The following KPNA1 variants were observed in gnomAD, a reference collection of about 807,000 sequenced individuals.
The protein encoded by KPNA1 is karyopherin subunit alpha 1, also known as importin subunit alpha-5.
A neutral mutation model predicts 70.5 loss-of-function variants in KPNA1; 10 were observed. The observed-to-expected ratio is 0.14, with a 90% CI of 0.09 to 0.24. The LOEUF is 0.24. Among genes scored for constraint, KPNA1 ranks in the 10% least tolerant of loss-of-function variants. The pLI, the probability that KPNA1 is intolerant of heterozygous loss-of-function variation, is 1.00. For synonymous variants in KPNA1, 192 were observed against 221.9 expected (o/e 0.87, Z 1.20); for missense variants, 397 against 637.9 (o/e 0.62, Z 4.07).
chr3:122,440,438 T>C (rs1158426720), intron 10 of KPNA1, among the ~76,000 whole-genome samples: 3 of 152,160 alleles, frequency 2.0e-5, no homozygotes, highest in Non-Finnish European at 4.4e-5. Flanking sequence ...AACTCTGAGC[T>C]GAGAGTGGCC....
chr3:122,465,268 A>G (rs924918068), intron 3 of KPNA1, among the ~76,000 whole-genome samples: 8 of 152,242 alleles, frequency 5.3e-5, no homozygotes, highest in African/African-American at 9.6e-5. Context: ...TAATCCCATC[A>G]TAAGTTGAAA....
At chr3:122,429,664 A>C (rs1247647306) in intron 12 of KPNA1, among the ~76,000 whole-genome samples, 1 of 152,188 alleles carries the variant, frequency 6.6e-6, no homozygotes, top group Non-Finnish European at 1.5e-5. Flanking sequence ...TGATACTCCC[A>C]AACAAAATCC....
intron 2 of KPNA1, among the ~76,000 whole-genome samples, chr3:122,488,142 A>C (rs973315181): frequency 1.3e-5 from 2 of 152,234 alleles, no homozygotes; most frequent in Admixed American, 6.5e-5. Context: ...TATAAAAGTA[A>C]TGGATCTAGG....
At position 122,493,863 on chromosome 3, in the gene KPNA1, G is replaced by A. The variant is rs1011741178; in HGVS notation, c.129+2574C>T. ...GCCTCCCAAAGTGCTGGGATTACAG[G>A]CATGAGCCACCCCGCCCAGCCTCAT... On this transcript the variant is annotated intron_variant, in intron 2 of 13. Coordinates refer to ENST00000344337, the MANE Select transcript of KPNA1 (RefSeq NM_002264.4). Among the ~76,000 whole-genome samples the A allele has an allele frequency of 2.0e-5, 3 of 152,262 alleles. No individual in the cohort carries two copies. In the South Asian group the frequency reaches 6.2e-4, roughly 32 times the overall value.
intron 11 of KPNA1, among the ~76,000 whole-genome samples, chr3:122,434,436 C>T (rs1429536866): frequency 2.0e-5 from 3 of 150,686 alleles, no homozygotes; most frequent in Non-Finnish European, 4.5e-5. Flanking sequence ...CTTCCATGTG[C>T]GAAAACTCTC....
At chr3:122,481,858 T>C (rs2076574894) in intron 2 of KPNA1, among the ~76,000 whole-genome samples, 1 of 152,238 alleles carries the variant, frequency 6.6e-6, no homozygotes, top group South Asian at 2.1e-4. Flanking sequence ...AACATTTATA[T>C]ATCTATTCAA....
At chr3:122,434,226 C>T (rs551598681) in intron 11 of KPNA1, among the ~76,000 whole-genome samples, 50 of 152,314 alleles carry the variant, frequency 3.3e-4, no homozygotes, top group African/African-American at 1.1e-3. Flanking sequence ...TGGGAGCCAC[C>T]GCACCCAGCC....
chr3:122,445,822 G>A (rs1479517358), intron 9 of KPNA1, among the ~76,000 whole-genome samples: 1 of 152,064 alleles, frequency 6.6e-6, no homozygotes, highest in Non-Finnish European at 1.5e-5. Flanking sequence ...AGGGATGGAG[G>A]AAGATGTACA....
rs1156685358 is a variant in KPNA1, at chr3:122,493,735, A to G, written c.129+2702T>C. 2.0e-5 allele frequency among the ~76,000 whole-genome samples: 3 copies of G among 152,216 alleles called. No individual in the cohort carries two copies. The East Asian group carries it at 5.8e-4, about 29-fold the overall frequency. Reference sequence around the variant, plus strand: ...TACTGAAAGTGCCCTCCTTTACCCTATCACCACACTGGCTAAATTTTATAT... The same window carrying G: ...TACTGAAAGTGCCCTCCTTTACCCTGTCACCACACTGGCTAAATTTTATAT... On this transcript the variant is annotated intron_variant, in intron 2 of 13. Coordinates refer to ENST00000344337, the MANE Select transcript of KPNA1 (RefSeq NM_002264.4).
chr3:122,449,425 T>G (rs905378765), intron 9 of KPNA1, 149 bp downstream of exon 9: 7 of 630,832 alleles, frequency 1.1e-5, no homozygotes, highest in Non-Finnish European at 1.9e-5. Context: ...CAAACAGATC[T>G]GACATCAAAA....
At chr3:122,474,066 T>A (rs1387555338) in intron 2 of KPNA1, among the ~76,000 whole-genome samples, 1 of 152,042 alleles carries the variant, frequency 6.6e-6, no homozygotes, top group African/African-American at 2.4e-5. Flanking sequence ...CAGCAATGAA[T>A]AAAGGGAATT....
At chr3:122,443,085 A>T (rs1259673289) in intron 9 of KPNA1, 1 of 152,294 alleles carries the variant, frequency 6.6e-6, no homozygotes, top group Non-Finnish European at 1.5e-5. Flanking sequence ...ATGGAAAATC[A>T]GTACACCCCG....
chr3:122,512,986 TA>T (rs1452168753), intron 1 of KPNA1, among the ~76,000 whole-genome samples: 6 of 152,236 alleles, frequency 3.9e-5, no homozygotes, highest in African/African-American at 1.4e-4. Flanking sequence ...TGCTACACTA[TA>T]AATTCCATGA....
chr3:122,462,651 T>C (rs535480660), intron 4 of KPNA1, among the ~76,000 whole-genome samples: 1 of 152,216 alleles, frequency 6.6e-6, no homozygotes, highest in East Asian at 1.9e-4. Flanking sequence ...ATAAGACTTT[T>C]TTAAAAGGGG....
chr3:122,488,112 G>T (rs891183224), intron 2 of KPNA1, among the ~76,000 whole-genome samples: 2 of 152,132 alleles, frequency 1.3e-5, no homozygotes, highest in African/African-American at 4.8e-5. Flanking sequence ...AAAAGCAGAA[G>T]AAATGATCCC....
chr3:122,486,777 G>C (rs536353121), intron 2 of KPNA1, among the ~76,000 whole-genome samples: 1 of 152,020 alleles, frequency 6.6e-6, no homozygotes. Flanking sequence ...TAGTAGAGTC[G>C]GGGTTTCACC....
Position 122,427,810 on chromosome 3 carries a change from A to C in KPNA1, c.1251-94T>G. 4 of 749,878 alleles carry C rather than the reference A, an allele frequency of 5.3e-6. No homozygotes were observed. In the South Asian group the frequency reaches 1.3e-4, roughly 25 times the overall value. 46.5% of individuals were successfully genotyped at this position (749,878 alleles called of 1,614,324 possible). ...AGTCATCCTCAACTTCACTGCAGAG[A>C]CTTAAAAAAAAAAACAAAAAACAAG... is the stretch of plus-strand genomic sequence containing the variant. On this transcript the variant is annotated intron_variant, in intron 12 of 13. Transcript: ENST00000344337.
intron 13 of KPNA1, 69 bp from the exon 14 acceptor site, chr3:122,427,241 T>C (rs1419529241): frequency 8.8e-7 from 1 of 1,141,682 alleles, no homozygotes; most frequent in East Asian, 2.5e-5. Flanking sequence ...CATAACTATA[T>C]ATTCCTAAAC....
intron 12 of KPNA1, among the ~76,000 whole-genome samples, chr3:122,429,944 T>TTTCATTCA (rs757910099): frequency 7.9e-5 from 12 of 152,176 alleles, no homozygotes; most frequent in African/African-American, 2.9e-4. Flanking sequence ...TAATTATTTT[T>TTTCATTCA]TTCATTCATT....
Sources: allele counts gnomAD v4.1 joint callset (sites outside exome capture counted in the v4.1 genomes callset), GRCh38; gene constraint gnomAD v4.1.1; transcripts MANE v1.5; gene names NCBI Gene and HGNC (gene_info 2026-07-23, HGNC 2026-07-21).